Variants in CDH12 observed in about 807,000 individuals in gnomAD.
The protein encoded by CDH12 is cadherin-12.
Under a neutral mutation model 74.1 loss-of-function variants are expected in CDH12, and 41 were observed. The observed-to-expected ratio is 0.55, with a 90% CI of 0.43 to 0.72. The LOEUF is 0.72. CDH12 is among the 30% of genes least tolerant of loss of function. The pLI is 0.00. For synonymous variants in CDH12, 399 were observed against 355.0 expected (o/e 1.12, Z -1.39); for missense variants, 945 against 977.2 (o/e 0.97, Z 0.44).
At chr5:22,259,841 GAA>G (rs1160980256) in intron 3 of CDH12, among the ~76,000 whole-genome samples, 1 of 151,806 alleles carries the variant, frequency 6.6e-6, no homozygotes, top group Non-Finnish European at 1.5e-5. Context: ...GAAGCTGACC[GAA>G]TTGAGAATCC....
chr5:22,218,541 T>C (rs1751903455), intron 3 of CDH12, among the ~76,000 whole-genome samples: 1 of 151,756 alleles, frequency 6.6e-6, no homozygotes, highest in South Asian at 2.1e-4. Flanking sequence ...TTATCTGTAA[T>C]GACAGAAAAC....
intron 4 of CDH12, among the ~76,000 whole-genome samples, chr5:22,098,885 C>T (rs1319237540): frequency 6.6e-6 from 1 of 152,126 alleles, no homozygotes; most frequent in Admixed American, 6.5e-5. Flanking sequence ...TGCTATAGTA[C>T]AAGCCACTAG....
chr5:22,306,773 C>A (rs999879696), intron 3 of CDH12, among the ~76,000 whole-genome samples: 1 of 152,056 alleles, frequency 6.6e-6, no homozygotes, highest in Non-Finnish European at 1.5e-5. Context: ...TCAAGTACAT[C>A]AGTGCTGCTT....
At chr5:22,166,768 T>C (rs1748707295) in intron 4 of CDH12, among the ~76,000 whole-genome samples, 1 of 152,222 alleles carries the variant, frequency 6.6e-6, no homozygotes, top group African/African-American at 2.4e-5. Context: ...AAATTTGAGA[T>C]ACATTGTTAA....
At chr5:22,064,868 A>C (rs2150209904) in intron 5 of CDH12, among the ~76,000 whole-genome samples, 1 of 152,190 alleles carries the variant, frequency 6.6e-6, no homozygotes, top group South Asian at 2.1e-4. Flanking sequence ...TTGGGAAAAA[A>C]CCCTAGACTT....
intron 6 of CDH12, among the ~76,000 whole-genome samples, chr5:21,921,779 G>A (rs1754364189): frequency 6.6e-6 from 1 of 152,242 alleles, no homozygotes; most frequent in South Asian, 2.1e-4. Context: ...AATGAACAAA[G>A]TCTATCTCAG....
At chr5:22,196,446 A>G (rs1219033196) in intron 4 of CDH12, among the ~76,000 whole-genome samples, 9 of 151,826 alleles carry the variant, frequency 5.9e-5, no homozygotes, top group African/African-American at 2.2e-4. Context: ...CCTGGCCTGT[A>G]TGTAATCTTT....
At chr5:22,835,871 G>T (rs1042492154) in intron 1 of CDH12, among the ~76,000 whole-genome samples, 16 of 152,152 alleles carry the variant, frequency 1.1e-4, no homozygotes, top group Non-Finnish European at 1.8e-4. Context: ...TAAAGAGCCA[G>T]CAATTAACTT....
At chr5:21,942,347 T>TATATATATAC (rs1225173229) in intron 6 of CDH12, among the ~76,000 whole-genome samples, 2 of 129,668 alleles carry the variant, frequency 1.5e-5, no homozygotes, top group African/African-American at 6.4e-5. Context: ...TATATATATA[T>TATATATATAC]ACACACACAC....
At chr5:22,598,206 C>T (rs1425078280) in intron 1 of CDH12, among the ~76,000 whole-genome samples, 1 of 152,128 alleles carries the variant, frequency 6.6e-6, no homozygotes, top group Non-Finnish European at 1.5e-5. Context: ...GTAAAGATAA[C>T]TTCAGCATTC....
At chr5:22,568,230 A>T (rs775766099) in intron 1 of CDH12, among the ~76,000 whole-genome samples, 1 of 152,228 alleles carries the variant, frequency 6.6e-6, no homozygotes, top group Non-Finnish European at 1.5e-5. Context: ...GATGAGCAGC[A>T]TAAGATGCAA....
At chr5:22,150,256 T>C (rs1251246939) in intron 4 of CDH12, among the ~76,000 whole-genome samples, 2 of 152,074 alleles carry the variant, frequency 1.3e-5, no homozygotes, top group Non-Finnish European at 2.9e-5. Context: ...ATGACAATTA[T>C]CATTAATTAT....
In CDH12 at chr5:22,211,520, A is replaced by G. The variant is rs185768519; in HGVS notation, c.-187+978T>C. Among the ~76,000 whole-genome samples, 1,115 of 152,202 alleles carry G rather than the reference A, an allele frequency of 7.3e-3. 10 individuals carry two copies. The highest frequency in any genetic ancestry group is 0.025 in the African/African-American group (1,031 of 41,550). On this transcript the variant is annotated intron_variant, in intron 4 of 14. Coordinates refer to ENST00000382254, the MANE Select transcript of CDH12 (RefSeq NM_004061.5). Reference sequence around the variant, plus strand: ...AATTTATCATAATATGGAGTAAAACAATCAGGCTATATTTACATGCGCTTA... The same window carrying G: ...AATTTATCATAATATGGAGTAAAACGATCAGGCTATATTTACATGCGCTTA...
At chr5:22,689,156 A>G (rs1328016283) in intron 1 of CDH12, among the ~76,000 whole-genome samples, 2 of 152,190 alleles carry the variant, frequency 1.3e-5, no homozygotes, top group Non-Finnish European at 2.9e-5. Flanking sequence ...TCTTCTCTCC[A>G]GGATATTTCA....
At chr5:21,827,506 C>A (rs181695059) in intron 8 of CDH12, among the ~76,000 whole-genome samples, 2 of 152,276 alleles carry the variant, frequency 1.3e-5, no homozygotes, top group Admixed American at 1.3e-4. Context: ...ACATCTCTTT[C>A]TGTTTTTCCA....
At chr5:22,162,658 ATTAAGT>A (rs1748427444) in intron 4 of CDH12, among the ~76,000 whole-genome samples, 1 of 152,100 alleles carries the variant, frequency 6.6e-6, no homozygotes, top group African/African-American at 2.4e-5. Flanking sequence ...TCATGCATAT[ATTAAGT>A]TTATTTGTAA....
At chr5:22,417,130 C>T (rs1743427694) in intron 2 of CDH12, among the ~76,000 whole-genome samples, 2 of 152,082 alleles carry the variant, frequency 1.3e-5, no homozygotes, top group Middle Eastern at 3.4e-3. Flanking sequence ...TTATTTAAAA[C>T]AATAATAAAC....
chr5:22,359,951 A>T (rs1740726926), intron 3 of CDH12, among the ~76,000 whole-genome samples: 1 of 152,210 alleles, frequency 6.6e-6, no homozygotes, highest in African/African-American at 2.4e-5. Flanking sequence ...GGAAATTTAT[A>T]GCACTAAATG....
At chr5:21,763,844 C>A (rs1019082798) in intron 12 of CDH12, among the ~76,000 whole-genome samples, 24 of 152,158 alleles carry the variant, frequency 1.6e-4, no homozygotes, top group African/African-American at 5.6e-4. Context: ...CATCTTCCCA[C>A]AACTACATCT....
Sources: allele counts gnomAD v4.1 joint callset (sites outside exome capture counted in the v4.1 genomes callset), GRCh38; gene constraint gnomAD v4.1.1; transcripts MANE v1.5; gene names NCBI Gene and HGNC (gene_info 2026-07-23, HGNC 2026-07-21).